Variants in EDAR observed in about 807,000 individuals in gnomAD.
The protein encoded by EDAR is ectodysplasin A receptor.
In EDAR, 38 loss-of-function variants were observed where a neutral mutation model predicts 51.3. The ratio of observed to expected loss-of-function variants is 0.74; its 90% CI spans 0.57 to 0.97. EDAR has a LOEUF of 0.97. Among genes scored for constraint, EDAR ranks in the 50% least tolerant of loss-of-function variants. The pLI is 0.00. For missense variants in EDAR, 528 were observed against 595.0 expected (o/e 0.89, Z 1.17); for synonymous variants, 227 against 242.1 (o/e 0.94, Z 0.58).
intron 11 of EDAR, among the ~76,000 whole-genome samples, chr2:108,899,838 C>T (rs905503145): frequency 6.6e-6 from 1 of 151,924 alleles, no homozygotes; most frequent in Non-Finnish European, 1.5e-5. Flanking sequence ...ACACAAAAAA[C>T]ACATTGGCGT....
At chr2:108,917,413 G>A (rs1807170) in intron 5 of EDAR, among the ~76,000 whole-genome samples, 13,761 of 152,160 alleles carry the variant, frequency 0.09, 2,112 homozygotes, top group African/African-American at 0.32. Flanking sequence ...AGGATTTGCA[G>A]TGTTCCCAAC....
At chr2:108,922,944 G>A (rs141391581) in intron 5 of EDAR, among the ~76,000 whole-genome samples, 1 of 152,278 alleles carries the variant, frequency 6.6e-6, no homozygotes, top group Non-Finnish European at 1.5e-5. Context: ...CATTAATTGT[G>A]ATCACATTTA....
At chr2:108,917,500 A>G (rs562374691) in intron 5 of EDAR, among the ~76,000 whole-genome samples, 1 of 152,342 alleles carries the variant, frequency 6.6e-6, no homozygotes, top group East Asian at 1.9e-4. Flanking sequence ...GTATACATGT[A>G]TGGAAATTTC....
chr2:108,925,571 C>G (rs937461354), intron 4 of EDAR, among the ~76,000 whole-genome samples: 1 of 152,160 alleles, frequency 6.6e-6, no homozygotes, highest in African/African-American at 2.4e-5. Flanking sequence ...ATGGGTCAAG[C>G]TATGCAACCT....
intron 1 of EDAR, among the ~76,000 whole-genome samples, chr2:108,945,284 A>T (rs1170827057): frequency 6.6e-6 from 1 of 152,160 alleles, no homozygotes; most frequent in Non-Finnish European, 1.5e-5. Context: ...ATCTTTAAAG[A>T]CATCTTTTAT....
At chr2:108,897,824 C>T (rs1696628015) in intron 11 of EDAR, among the ~76,000 whole-genome samples, 1 of 152,118 alleles carries the variant, frequency 6.6e-6, no homozygotes, top group African/African-American at 2.4e-5. Flanking sequence ...CCTAATCCTC[C>T]CACTAAGTAC....
intron 1 of EDAR, among the ~76,000 whole-genome samples, chr2:108,971,064 C>A (rs760043435): frequency 6.6e-6 from 1 of 152,162 alleles, no homozygotes; most frequent in Non-Finnish European, 1.5e-5. Flanking sequence ...TCACAGGGTC[C>A]GGCGAGACCG....
chr2:108,967,330 C>T (rs1240509854), intron 1 of EDAR, among the ~76,000 whole-genome samples: 6 of 152,136 alleles, frequency 3.9e-5, no homozygotes, highest in Non-Finnish European at 7.4e-5. Context: ...ATATCAAAGG[C>T]TAGAATTTTT....
rs1697265368 is a variant in EDAR, at chr2:108,926,837, C to T, written c.356+2361G>A. Among the ~76,000 whole-genome samples the T allele has an allele frequency of 2.0e-5, 3 of 152,240 alleles. No individual in the cohort carries two copies. The South Asian group carries it at 6.2e-4, about 31-fold the overall frequency. On this transcript the variant is annotated intron_variant, in intron 4 of 11. Coordinates refer to ENST00000258443, the MANE Select transcript of EDAR (RefSeq NM_022336.4). ...AAGGCAATCCGCATCCACAGCCTGACAGCCACTTGGATTCAGGAATGAACG... is the reference window on the plus strand; with the variant it reads ...AAGGCAATCCGCATCCACAGCCTGATAGCCACTTGGATTCAGGAATGAACG...
chr2:108,907,543 G>A lies in EDAR; in HGVS notation c.963+317C>T, dbSNP rs576775342. Among the ~76,000 whole-genome samples the A allele has an allele frequency of 1.2e-4, 19 of 152,130 alleles. No individual in the cohort carries two copies. The South Asian group carries it at 3.9e-3, about 32-fold the overall frequency. On this transcript the variant is annotated intron_variant, in intron 10 of 11. Transcript: ENST00000258443. The stretch of plus-strand genomic sequence containing the variant: ...TGCACCTGTAGTCCTAGCTACTTGG[G>A]AGGCTGAGACAGGAGAATTGCTTGA...
At position 108,896,811 on chromosome 2, in the gene EDAR, C is replaced by G; in HGVS notation, c.*96G>C. 1 of 1,252,484 alleles carries G rather than the reference C, an allele frequency of 8.0e-7. No homozygotes were observed. Among genetic ancestry groups the G allele is most frequent in the South Asian group, 1.4e-5 (1 of 73,024 alleles). The allele number at this position is 1,252,484 out of a possible 1,614,324, so 77.6% of individuals were successfully genotyped here. ...GGCATACGGTGACATATCACAAAAG[C>G]CTTGATTCTTGGCAGTCTTTTGGCA... On this transcript the variant is annotated 3_prime_UTR_variant, in exon 12 of 12. Coordinates refer to ENST00000258443, the MANE Select transcript of EDAR (RefSeq NM_022336.4).
Position 108,945,141 on chromosome 2 carries a change from C to T in EDAR, c.-18-14109G>A, listed in dbSNP as rs17034646. Among the ~76,000 whole-genome samples the T allele has an allele frequency of 9.8e-3, 1,494 of 152,178 alleles. 28 individuals are homozygous for T. The highest frequency in any genetic ancestry group is 0.034 in the African/African-American group (1,411 of 41,522). On this transcript the variant is annotated intron_variant, in intron 1 of 11. Transcript: ENST00000258443. ...TGTCCGTGAGGCAGCTCAGGAAGCT[C>T]GATCCTGTGTGGGGAGCAACAGCTA...
intron 1 of EDAR, among the ~76,000 whole-genome samples, chr2:108,978,116 C>A (rs187131932): frequency 2.7e-4 from 41 of 152,282 alleles, no homozygotes; most frequent in Middle Eastern, 3.4e-3. Flanking sequence ...AGCAAAGGGC[C>A]CCAGAGGGCA....
chr2:108,916,727 TGGGATGGTGGACC>T (rs1697035578), intron 5 of EDAR, among the ~76,000 whole-genome samples: 2 of 151,936 alleles, frequency 1.3e-5, no homozygotes, highest in Non-Finnish European at 2.9e-5. Flanking sequence ...GCAAGATGGG[TGGGATGGTGGACC>T]CTGACATTTC....
intron 1 of EDAR, among the ~76,000 whole-genome samples, chr2:108,988,096 A>G (rs896260537): frequency 4.6e-5 from 7 of 152,158 alleles, no homozygotes; most frequent in Non-Finnish European, 1.0e-4. Flanking sequence ...GTCTCCTCAC[A>G]TGCGTGTACC....
At chr2:108,979,573 C>T (rs1458083687) in intron 1 of EDAR, among the ~76,000 whole-genome samples, 7 of 151,966 alleles carry the variant, frequency 4.6e-5, no homozygotes, top group Admixed American at 1.3e-4. Flanking sequence ...TGTCAGGTGG[C>T]GGCTGGGGAC....
chr2:108,949,517 C>T (rs564809722), intron 1 of EDAR, among the ~76,000 whole-genome samples: 1 of 152,318 alleles, frequency 6.6e-6, no homozygotes, highest in East Asian at 1.9e-4. Flanking sequence ...CCACTTCCTG[C>T]TGCCATCAGG....
intron 5 of EDAR, among the ~76,000 whole-genome samples, chr2:108,920,354 TCCTCTCTGTTACGGCAGGG>T (rs1697112626): frequency 6.6e-6 from 1 of 152,140 alleles, no homozygotes; most frequent in Non-Finnish European, 1.5e-5. Context: ...GACCCTATCT[TCCTCTCTGTTACGGCAGGG>T]CAACGGGTTG....
intron 1 of EDAR, among the ~76,000 whole-genome samples, chr2:108,976,561 C>T (rs569251398): frequency 2.6e-5 from 4 of 152,228 alleles, no homozygotes; most frequent in Non-Finnish European, 5.9e-5. Flanking sequence ...CTCAAGGGCA[C>T]AGCATCTACA....
Sources: gnomAD v4.1 joint callset for allele counts (sites outside exome capture counted in the v4.1 genomes callset) on GRCh38, gnomAD v4.1.1 for gene constraint, MANE v1.5 for transcripts, NCBI Gene and HGNC (gene_info 2026-07-23, HGNC 2026-07-21) for gene names.